Variants in ARHGEF12 observed in about 807,000 individuals in gnomAD.
ARHGEF12 encodes Rho guanine nucleotide exchange factor 12, also known as KMT2A/ARHGEF12 fusion protein.
Under a neutral mutation model 211.2 loss-of-function variants are expected in ARHGEF12, and 66 were observed. The ratio of observed to expected loss-of-function variants is 0.31; its 90% CI spans 0.26 to 0.38. ARHGEF12 has a LOEUF of 0.38. Ranked by LOEUF, ARHGEF12 falls within the 10% of genes least tolerant of loss-of-function variation. ARHGEF12 has a pLI of 1.00. For synonymous variants in ARHGEF12, 592 were observed against 638.4 expected (o/e 0.93, Z 1.09); for missense variants, 1,429 against 1,869.5 (o/e 0.76, Z 4.34).
At position 120,480,343 on chromosome 11, in the gene ARHGEF12, G is replaced by A. The variant is rs760873730; in HGVS notation, c.4150G>A (p.Ala1384Thr). Residue 1384 changes from alanine to threonine, a missense_variant, in exon 38 of 41, where the codon GCC becomes ACC. This residue lies in a region of ARHGEF12 where 467 missense variants were observed against 468.4 expected (regional missense o/e 1.00). Coordinates refer to ENST00000397843, the MANE Select transcript of ARHGEF12 (RefSeq NM_015313.3). ...TGACAGTGGAGAGCACTTTTTTGAT[G>A]CCCGTGAAGCACATAGTGATGAGAA... ...LDDSGEHFFD[A>T]REAHSDENPS... The A allele has an allele frequency of 6.2e-7, 1 of 1,614,190 alleles. No individual in the cohort carries two copies. Among genetic ancestry groups the A allele is most frequent in the Admixed American group, 1.7e-5 (1 of 60,020 alleles).
At chr11:120,475,634 A>T (rs935038896) in intron 33 of ARHGEF12, 127 bp downstream of exon 33, 23 of 994,214 alleles carry the variant, frequency 2.3e-5, no homozygotes, top group Middle Eastern at 2.3e-4. Flanking sequence ...AGCAAATTAC[A>T]TGAAATTTAC....
intron 1 of ARHGEF12, among the ~76,000 whole-genome samples, chr11:120,369,992 A>G (rs1357393032): frequency 6.6e-6 from 1 of 152,140 alleles, no homozygotes; most frequent in Non-Finnish European, 1.5e-5. Context: ...GCATGTTTTT[A>G]TACTTTGGCT....
At chr11:120,402,942 G>A (rs1196997983) in intron 1 of ARHGEF12, among the ~76,000 whole-genome samples, 2 of 152,172 alleles carry the variant, frequency 1.3e-5, no homozygotes, top group African/African-American at 2.4e-5. Context: ...TTGTGTGTTT[G>A]TGTATGCTTA....
At chr11:120,413,315 C>T (rs1344183514) in intron 4 of ARHGEF12, among the ~76,000 whole-genome samples, 1 of 152,154 alleles carries the variant, frequency 6.6e-6, no homozygotes, top group Non-Finnish European at 1.5e-5. Flanking sequence ...GATTGCCCAG[C>T]TACTTTTGTT....
chr11:120,471,186 A>G (rs1755031242), intron 30 of ARHGEF12, among the ~76,000 whole-genome samples: 2 of 152,342 alleles, frequency 1.3e-5, no homozygotes, highest in South Asian at 2.1e-4. Context: ...CTTTATTCAT[A>G]ATAGCGAAAA....
intron 1 of ARHGEF12, among the ~76,000 whole-genome samples, chr11:120,346,659 T>G (rs569173996): frequency 2.0e-5 from 3 of 152,344 alleles, no homozygotes; most frequent in Admixed American, 2.0e-4. Context: ...ACAAGTTCAG[T>G]AAATGCTTGT....
intron 4 of ARHGEF12, among the ~76,000 whole-genome samples, chr11:120,415,547 A>G (rs1945004729): frequency 6.6e-6 from 1 of 152,226 alleles, no homozygotes; most frequent in Non-Finnish European, 1.5e-5. Flanking sequence ...TTTTAGTTCT[A>G]CAGAGGGTGG....
chr11:120,454,624 G>A lies in ARHGEF12; in HGVS notation c.2057-2494G>A, dbSNP rs145154181. 9.9e-5 allele frequency among the ~76,000 whole-genome samples: 15 copies of A among 152,274 alleles called. No homozygotes were observed. The East Asian group carries it at 2.9e-3, about 29-fold the overall frequency. On this transcript the variant is annotated intron_variant, in intron 22 of 40. Transcript: ENST00000397843. ...GCTGCGTGGGTCTCGGTTGGAGTCT[G>A]TCATAAAGTTGCAGTCAAGATATTA...
intron 23 of ARHGEF12, 65 bp downstream of exon 23, chr11:120,457,315 C>T: frequency 1.3e-6 from 2 of 1,564,412 alleles, no homozygotes; most frequent in South Asian, 1.2e-5. Context: ...ATATGCTATT[C>T]CTATACTTAG....
At chr11:120,404,265 A>G (rs867656538) in intron 1 of ARHGEF12, among the ~76,000 whole-genome samples, 10 of 152,196 alleles carry the variant, frequency 6.6e-5, no homozygotes, top group African/African-American at 2.2e-4. Flanking sequence ...TTGCAAAACT[A>G]TGGGATTATC....
At chr11:120,437,278 A>T (rs759950822) in intron 11 of ARHGEF12, 30 bp from the exon 12 acceptor site, 1 of 1,533,498 alleles carries the variant, frequency 6.5e-7, no homozygotes, top group South Asian at 1.2e-5. Context: ...GCCTATTGAA[A>T]TGAACTGAAG....
At chr11:120,410,714 T>C (rs1944857865) in intron 4 of ARHGEF12, 1 of 152,244 alleles carries the variant, frequency 6.6e-6, no homozygotes, top group South Asian at 2.1e-4. Context: ...CAGTGCTTTT[T>C]CTGTGTATAC....
chr11:120,376,393 A>G (rs564306555), intron 1 of ARHGEF12, among the ~76,000 whole-genome samples: 1 of 152,310 alleles, frequency 6.6e-6, no homozygotes, highest in African/African-American at 2.4e-5. Context: ...AGGAAGTTAG[A>G]GAGCCTGGTC....
At chr11:120,463,308 C>T in intron 27 of ARHGEF12, 1 of 152,456 alleles carries the variant, frequency 6.6e-6, no homozygotes. Flanking sequence ...GGCAGATCAC[C>T]TGAGGTCAGG....
intron 26 of ARHGEF12, among the ~76,000 whole-genome samples, chr11:120,460,070 C>T (rs1019416816): frequency 1.3e-5 from 2 of 152,160 alleles, no homozygotes; most frequent in Admixed American, 6.5e-5. Flanking sequence ...AAAAATTCTA[C>T]CTTGTTGACA....
At chr11:120,347,173 TTCCTTCCTTC>T (rs1942773998) in intron 1 of ARHGEF12, among the ~76,000 whole-genome samples, 7 of 89,796 alleles carry the variant, frequency 7.8e-5, no homozygotes, top group South Asian at 3.8e-4. Context: ...CCTTCCTTCC[TTCCTTCCTTC>T]CTTTCTTTCT....
At chr11:120,365,307 T>C (rs1171890340) in intron 1 of ARHGEF12, among the ~76,000 whole-genome samples, 1 of 152,162 alleles carries the variant, frequency 6.6e-6, no homozygotes, top group Non-Finnish European at 1.5e-5. Context: ...GGTAAGCTGA[T>C]AGATGATTGG....
chr11:120,437,867 T>G (rs1432954762), intron 12 of ARHGEF12, among the ~76,000 whole-genome samples: 3 of 152,230 alleles, frequency 2.0e-5, no homozygotes, highest in Non-Finnish European at 2.9e-5. Flanking sequence ...TTAGCATATG[T>G]CTTCAGCTTT....
chr11:120,452,713 A>G (rs567352110), intron 22 of ARHGEF12, among the ~76,000 whole-genome samples: 47 of 152,198 alleles, frequency 3.1e-4, no homozygotes, highest in African/African-American at 1.0e-3. Flanking sequence ...CAGGAAGACA[A>G]GGTCGGGTGC....
Sources: gnomAD v4.1 joint callset for allele counts (sites outside exome capture counted in the v4.1 genomes callset) on GRCh38, gnomAD v4.1.1 for gene constraint, gnomAD v4.1.1 regional missense constraint, MANE v1.5 for transcripts, NCBI Gene and HGNC (gene_info 2026-07-23, HGNC 2026-07-21) for gene names.